CADM2: variants seen among roughly 807,000 people sequenced by gnomAD.
CADM2 encodes the protein cell adhesion molecule 2.
Under a neutral mutation model 49.8 loss-of-function variants are expected in CADM2, and 12 were observed. The observed-to-expected ratio is 0.24, with a 90% CI of 0.15 to 0.39. The LOEUF (loss-of-function observed/expected upper bound fraction) is 0.39. CADM2 is among the 10% of genes least tolerant of loss of function. The pLI is 1.00. For synonymous variants in CADM2, 214 were observed against 175.4 expected, an observed-to-expected ratio of 1.22 and a Z score of -1.74; for missense variants, 378 against 492.3, an observed-to-expected ratio of 0.77 and a Z score of 2.20.
chr3:85,809,086 G>C (rs1212200582), intron 3 of CADM2, among the ~76,000 whole-genome samples: 1 of 152,076 alleles, frequency 6.6e-6, no homozygotes, highest in Non-Finnish European at 1.5e-5. Context: ...TAAAAATGCA[G>C]CTATTATATA....
intron 1 of CADM2, among the ~76,000 whole-genome samples, chr3:85,439,032 G>T (rs2037061541): frequency 6.6e-6 from 1 of 151,374 alleles, no homozygotes; most frequent in Admixed American, 6.6e-5. Context: ...AACACCTGCT[G>T]TTCACAAAGA....
intron 1 of CADM2, among the ~76,000 whole-genome samples, chr3:85,300,116 G>A (rs554753715): frequency 6.6e-6 from 1 of 152,100 alleles, no homozygotes; most frequent in South Asian, 2.1e-4. Context: ...GAAGAGACTG[G>A]GGCTTATGGC....
intron 1 of CADM2, among the ~76,000 whole-genome samples, chr3:85,619,131 A>G (rs569473614): frequency 1.1e-3 from 164 of 152,244 alleles, no homozygotes; most frequent in African/African-American, 3.6e-3. Flanking sequence ...GGAAAAACAG[A>G]CAGGGTATTA....
At chr3:85,448,190 A>G (rs1305430964) in intron 1 of CADM2, among the ~76,000 whole-genome samples, 2 of 151,876 alleles carry the variant, frequency 1.3e-5, no homozygotes, top group African/African-American at 2.4e-5. Context: ...AAAATTAGCC[A>G]GGCGTGGTGG....
chr3:85,759,487 T>C (rs1443865441), intron 2 of CADM2, among the ~76,000 whole-genome samples: 3 of 152,118 alleles, frequency 2.0e-5, no homozygotes, highest in African/African-American at 2.4e-5. Context: ...CGTTTAAAAT[T>C]ACTGTTCTCT....
chr3:84,995,829 G>A (rs2033153432), intron 1 of CADM2, among the ~76,000 whole-genome samples: 1 of 152,048 alleles, frequency 6.6e-6, no homozygotes, highest in African/African-American at 2.4e-5. Context: ...GCTTGTTGTT[G>A]AAATTTACTT....
intron 3 of CADM2, among the ~76,000 whole-genome samples, chr3:85,839,674 A>C (rs1308699577): frequency 6.6e-6 from 1 of 151,838 alleles, no homozygotes; most frequent in East Asian, 1.9e-4. Context: ...GTCATATCTC[A>C]TAATTGCAAA....
intron 1 of CADM2, among the ~76,000 whole-genome samples, chr3:85,310,154 T>C (rs1461864174): frequency 6.6e-6 from 1 of 152,248 alleles, no homozygotes; most frequent in African/African-American, 2.4e-5. Context: ...GCTACTGCTC[T>C]GTTTCCAAAA....
intron 8 of CADM2, among the ~76,000 whole-genome samples, chr3:86,044,813 T>C (rs1316852050): frequency 6.6e-6 from 1 of 152,168 alleles, no homozygotes; most frequent in Non-Finnish European, 1.5e-5. Context: ...CCAACCCAAA[T>C]GTCCAACAAT....
chr3:85,674,417 A>G (rs564343462), intron 1 of CADM2, among the ~76,000 whole-genome samples: 2 of 152,252 alleles, frequency 1.3e-5, no homozygotes, highest in African/African-American at 2.4e-5. Context: ...CTATGATACA[A>G]TTGGCTAAAT....
At chr3:84,973,191 G>C (rs1454173227) in intron 1 of CADM2, among the ~76,000 whole-genome samples, 1 of 152,180 alleles carries the variant, frequency 6.6e-6, no homozygotes, top group Non-Finnish European at 1.5e-5. Flanking sequence ...GGGATTACAG[G>C]CATGAGCCAC....
Position 86,066,927 on chromosome 3 carries a change from A to AC in CADM2, c.*145dup, listed in dbSNP as rs1245987088. The AC allele has an allele frequency of 4.6e-6, 3 of 653,240 alleles. No individual in the cohort carries two copies. The highest frequency in any genetic ancestry group is 4.9e-5 in the Admixed American group (2 of 40,656). The allele number at this position is 653,240 out of a possible 1,614,324, so 40.5% of individuals were successfully genotyped here. A position where few individuals can be genotyped will look rare whatever the true frequency, so the allele number is the denominator to read the frequency against. ...TGCTATCAGTAGCCAGTGTATACCA[A>AC]CAATCAGCTGTTGAAAGCATCATTC... On this transcript the variant is annotated 3_prime_UTR_variant, in exon 10 of 10. Transcript: ENST00000383699.
intron 1 of CADM2, among the ~76,000 whole-genome samples, chr3:85,540,033 G>T (rs73132355): frequency 0.21 from 31,399 of 151,952 alleles, 3,864 homozygotes; most frequent in East Asian, 0.3. Context: ...CAGAGCCCAG[G>T]AGGAAGCCCT....
chr3:85,587,729 A>G (rs966814337), intron 1 of CADM2, among the ~76,000 whole-genome samples: 8 of 151,886 alleles, frequency 5.3e-5, no homozygotes, highest in African/African-American at 1.7e-4. Flanking sequence ...ATAAAATTAT[A>G]CGAGTGGATT....
intron 1 of CADM2, among the ~76,000 whole-genome samples, chr3:85,203,253 C>G: frequency 6.6e-6 from 1 of 152,116 alleles, no homozygotes; most frequent in Non-Finnish European, 1.5e-5. Context: ...TGAATCATTT[C>G]CAGCTTTCCA....
chr3:85,481,456 T>C (rs983168222), intron 1 of CADM2, among the ~76,000 whole-genome samples: 1 of 151,688 alleles, frequency 6.6e-6, no homozygotes, highest in African/African-American at 2.4e-5. Context: ...TGAATAACTT[T>C]CTTAGTTGGA....
chr3:85,456,266 G>C (rs2037984139), intron 1 of CADM2, among the ~76,000 whole-genome samples: 2 of 152,154 alleles, frequency 1.3e-5, no homozygotes, highest in Non-Finnish European at 2.9e-5. Context: ...ATCTGAGATT[G>C]ATAGTCTATC....
intron 1 of CADM2, among the ~76,000 whole-genome samples, chr3:85,114,609 A>G (rs1258349249): frequency 6.6e-6 from 1 of 152,186 alleles, no homozygotes; most frequent in African/African-American, 2.4e-5. Flanking sequence ...ATATAACTCT[A>G]TAGTGCTTGT....
At chr3:85,326,607 G>T (rs1324696188) in intron 1 of CADM2, among the ~76,000 whole-genome samples, 1 of 151,948 alleles carries the variant, frequency 6.6e-6, no homozygotes, top group Non-Finnish European at 1.5e-5. Flanking sequence ...ATTTTGAAAT[G>T]ATTTTTCACA....
Sources: allele counts gnomAD v4.1 joint callset (sites outside exome capture counted in the v4.1 genomes callset), GRCh38; gene constraint gnomAD v4.1.1; transcripts MANE v1.5; gene names NCBI Gene and HGNC (gene_info 2026-07-23, HGNC 2026-07-21).